Variants in GEMIN5 observed in about 807,000 individuals in gnomAD.
GEMIN5 encodes the protein gem nuclear organelle associated protein 5, also known as gem-associated protein 5.
GEMIN5 carries 124 observed loss-of-function variants against 176.9 expected under a neutral mutation model. The ratio of observed to expected loss-of-function variants is 0.70; its 90% CI spans 0.61 to 0.81. The LOEUF (loss-of-function observed/expected upper bound fraction) is 0.81. Among genes scored for constraint, GEMIN5 ranks in the 40% least tolerant of loss-of-function variants. The pLI is 0.00. For missense variants in GEMIN5, 1,843 were observed against 1,814.6 expected, an observed-to-expected ratio of 1.02 and a Z score of -0.28; for synonymous variants, 673 against 665.2, an observed-to-expected ratio of 1.01 and a Z score of -0.18.
Position 154,888,351 on chromosome 5 carries a change from C to CTCCA in GEMIN5, c.4382_4385dup (p.Glu1462AspfsTer55). ...TGATGAGAAGCAGGACGAGGCAGCA[C>CTCCA]TCCAGCACATCTGGGAAGGGCCAGG... On this transcript the variant is annotated frameshift_variant, in exon 28 of 28. Transcript: ENST00000285873. LOFTEE classifies it high-confidence loss of function. 1 of 1,614,078 alleles carries CTCCA rather than the reference C, an allele frequency of 6.2e-7. No individual in the cohort carries two copies. The highest frequency in any genetic ancestry group is 1.1e-5 in the South Asian group (1 of 91,072).
Position 154,903,146 on chromosome 5 carries a change from C to G in GEMIN5, c.2662G>C (p.Glu888Gln). The change falls in exon 19 of 28, where the codon GAG (glutamate) becomes CAG (glutamine). Residue 888 changes from glutamate (E) to glutamine (Q), a missense_variant. Coordinates refer to ENST00000285873, the MANE Select transcript of GEMIN5 (RefSeq NM_015465.5). ...AAAAGCCCCAGATGAAATCTTTCCT[C>G]AACATCAGCAGACACATCTTCATTC... ...ELNEDVSADV[E>Q]ERFHLGLFTD... 1 of 1,612,562 alleles carries G rather than the reference C, an allele frequency of 6.2e-7. No individual in the cohort carries two copies. Among genetic ancestry groups the G allele is most frequent in the Non-Finnish European group, 8.5e-7 (1 of 1,178,758 alleles).
chr5:154,927,621 TCTGGGCTCATAG>T, intron 6 of GEMIN5, 71 bp from the exon 7 acceptor site: 1 of 1,148,070 alleles, frequency 8.7e-7, no homozygotes, highest in South Asian at 1.5e-5. Flanking sequence ...TGAGACAGAG[TCTGGGCTCATAG>T]CTGCAAAATG....
chr5:154,901,066 C>T (rs142807733), intron 21 of GEMIN5, among the ~76,000 whole-genome samples: 44 of 152,288 alleles, frequency 2.9e-4, no homozygotes, highest in African/African-American at 1.0e-3. Flanking sequence ...TGGCTCATGC[C>T]TGTAATCCCA....
At chr5:154,893,335 C>T (rs978496984) in intron 24 of GEMIN5, among the ~76,000 whole-genome samples, 28 of 147,186 alleles carry the variant, frequency 1.9e-4, no homozygotes, top group Admixed American at 1.2e-3. Flanking sequence ...GAGGCTGAGG[C>T]GGAAGAATTG....
rs1223477096 is a variant in GEMIN5, at chr5:154,891,475, A to C, written c.4028T>G (p.Leu1343Trp). ...TCGCTCACCTTCTTCTGTGAGTCTC[A>C]AGTCTAGTTCTGAAGGCCTGTTTGG... ...PEPNRPSELD[L>W]RLTEEGERML... Residue 1343 changes from leucine (L) to tryptophan (W), a missense_variant, in exon 26 of 28, where the codon TTG (leucine) becomes TGG (tryptophan). Leu to Trp is a moderately conservative substitution (Grantham distance 61). Coordinates refer to ENST00000285873, the MANE Select transcript of GEMIN5 (RefSeq NM_015465.5). The C allele has an allele frequency of 2.5e-6, 4 of 1,613,980 alleles. No individual in the cohort carries two copies. The highest frequency in any genetic ancestry group is 3.4e-6 in the Non-Finnish European group (4 of 1,180,014).
intron 3 of GEMIN5, among the ~76,000 whole-genome samples, chr5:154,934,498 G>T (rs1764226150): frequency 6.6e-6 from 1 of 152,192 alleles, no homozygotes; most frequent in East Asian, 1.9e-4. Flanking sequence ...TTTTAGTAGA[G>T]ATGGGGCTTC....
At chr5:154,898,943 C>A (rs943719662) in intron 22 of GEMIN5, among the ~76,000 whole-genome samples, 6 of 152,094 alleles carry the variant, frequency 3.9e-5, no homozygotes, top group Non-Finnish European at 8.8e-5. Flanking sequence ...TATAAGAGAC[C>A]ATTAGAAAAA....
At chr5:154,904,977 G>A (rs1325623872) in intron 17 of GEMIN5, among the ~76,000 whole-genome samples, 1 of 152,212 alleles carries the variant, frequency 6.6e-6, no homozygotes, top group Non-Finnish European at 1.5e-5. Context: ...CGGATCACTG[G>A]AGGCCAGCAG....
intron 25 of GEMIN5, among the ~76,000 whole-genome samples, 168 bp from the exon 26 acceptor site, chr5:154,891,910 G>A (rs1341489054): frequency 1.3e-5 from 2 of 152,134 alleles, no homozygotes; most frequent in African/African-American, 4.8e-5. Context: ...GCCAACTGGA[G>A]GCTAAACATT....
At position 154,907,330 on chromosome 5, in the gene GEMIN5, C is replaced by T. The variant is rs77953901; in HGVS notation, c.2395+261G>A. 7.0e-3 allele frequency among the ~76,000 whole-genome samples: 1,070 copies of T among 152,232 alleles called. 98 individuals carry two copies. The East Asian group carries it at 0.18, about 26-fold the overall frequency. On this transcript the variant is annotated intron_variant, in intron 16 of 27. Coordinates refer to ENST00000285873, the MANE Select transcript of GEMIN5 (RefSeq NM_015465.5). ...ACTGACCCAGCTTCGCTTCGTCCCA[C>T]GGTTTTACCTTGCCCAAGTTGAATA...
intron 9 of GEMIN5, among the ~76,000 whole-genome samples, chr5:154,922,909 G>A (rs2113499334): frequency 6.6e-6 from 1 of 151,990 alleles, no homozygotes; most frequent in East Asian, 2.0e-4. Context: ...TGTTAGCCAG[G>A]ATGGTCTCAA....
intron 23 of GEMIN5, among the ~76,000 whole-genome samples, chr5:154,897,493 T>C (rs1003541238): frequency 2.0e-5 from 3 of 152,142 alleles, no homozygotes; most frequent in African/African-American, 7.2e-5. Context: ...TTCCCACACT[T>C]TTCTCTTTTT....
intron 27 of GEMIN5, among the ~76,000 whole-genome samples, chr5:154,888,845 A>C (rs897133212): frequency 1.9e-5 from 2 of 104,330 alleles, no homozygotes; most frequent in African/African-American, 7.7e-5. Flanking sequence ...ATTGGATTCT[A>C]AATTCTTTTT....
Position 154,909,705 on chromosome 5 carries a change from G to A in GEMIN5, c.2168-1887C>T, listed in dbSNP as rs536138863. On this transcript the variant is annotated intron_variant, in intron 15 of 27. Transcript: ENST00000285873. ...TTGAAGAATTTCACATACACCGGGC[G>A]CAGTGGCTCATGCCTATAATCCCAG... is the stretch of plus-strand genomic sequence containing the variant. Among the ~76,000 whole-genome samples, 6 of 152,230 alleles carry A rather than the reference G, an allele frequency of 3.9e-5. No individual in the cohort carries two copies. In the South Asian group the frequency reaches 8.3e-4, roughly 21 times the overall value.
At position 154,932,115 on chromosome 5, in the gene GEMIN5, G is replaced by A. The variant is rs1207689138; in HGVS notation, c.645C>T (p.Asn215=). 9.9e-6 allele frequency: 16 copies of A among 1,613,134 alleles called. No homozygotes were observed. The highest frequency in any genetic ancestry group is 1.2e-5 in the Non-Finnish European group (14 of 1,179,558). ...CATCTCTACCTGAAGTTTCCTCTTG[G>A]TTTATAGATAAACAATCTTCACCAG... is the stretch of plus-strand genomic sequence containing the variant. ...PLPGEDCLSI[N]QEETSEEAEI... The change falls in exon 4 of 28, where the codon AAC becomes AAT. Residue 215 remains asparagine, a synonymous_variant. Coordinates refer to ENST00000285873, the MANE Select transcript of GEMIN5 (RefSeq NM_015465.5).
chr5:154,926,167 T>C, intron 7 of GEMIN5, 93 bp from the exon 8 acceptor site: 6 of 743,384 alleles, frequency 8.1e-6, no homozygotes, highest in Non-Finnish European at 1.4e-5. Flanking sequence ...GCTCAAAGAC[T>C]GGGTAAGGAT....
chr5:154,904,281 C>T (rs775225194), intron 18 of GEMIN5, among the ~76,000 whole-genome samples: 3 of 152,030 alleles, frequency 2.0e-5, no homozygotes, highest in Non-Finnish European at 2.9e-5. Context: ...AAAAGCAGAG[C>T]GCTACATTTC....
Position 154,904,577 on chromosome 5 carries a change from G to A in GEMIN5, c.2562C>T (p.Ser854=). The A allele has an allele frequency of 6.2e-7, 1 of 1,611,964 alleles. No homozygotes were observed. Among genetic ancestry groups the A allele is most frequent in the Non-Finnish European group, 8.5e-7 (1 of 1,178,078 alleles). ...GCTCCTCTTTGGATCTGTGGTCCAGGCTTGTACTCAGGGGAAGCAAGGAAC... is the reference window on the plus strand; with the variant it reads ...GCTCCTCTTTGGATCTGTGGTCCAGACTTGTACTCAGGGGAAGCAAGGAAC... ...KARSLLPLST[S]LDHRSKEELH... The change falls in exon 18 of 28, where the codon AGC becomes AGT. Residue 854 remains serine (S), a synonymous_variant. Transcript: ENST00000285873.
At chr5:154,892,652 C>T in intron 24 of GEMIN5, 103 bp from the exon 25 acceptor site, 2 of 1,111,772 alleles carry the variant, frequency 1.8e-6, no homozygotes, top group Admixed American at 2.7e-5. Context: ...CAAGTACACA[C>T]AATTCACACT....
Sources: allele counts gnomAD v4.1 joint callset (sites outside exome capture counted in the v4.1 genomes callset), GRCh38; gene constraint gnomAD v4.1.1; transcripts MANE v1.5; gene names NCBI Gene and HGNC (gene_info 2026-07-23, HGNC 2026-07-21).